Variants in ABCC9 observed in about 807,000 individuals in gnomAD.
ABCC9 encodes the protein ATP binding cassette subfamily C member 9.
In ABCC9, 95 loss-of-function variants were observed where a neutral mutation model predicts 188.3. The observed-to-expected ratio is 0.50, with a 90% CI of 0.43 to 0.60. ABCC9 has a LOEUF of 0.60. Among genes scored for constraint, ABCC9 ranks in the 20% least tolerant of loss-of-function variants. The pLI is 0.00. For missense variants in ABCC9, 1,102 were observed against 1,876.3 expected (o/e 0.59, Z 7.62); for synonymous variants, 659 against 652.7 (o/e 1.01, Z -0.15).
chr12:21,905,978 G>C, intron 12 of ABCC9, 148 bp downstream of exon 12: 2 of 836,838 alleles, frequency 2.4e-6, no homozygotes, highest in South Asian at 1.5e-5. Context: ...TCGTGTGGCT[G>C]GTGGCTATTG....
At chr12:21,930,728 A>C (rs1288067049) in intron 4 of ABCC9, among the ~76,000 whole-genome samples, 1 of 152,178 alleles carries the variant, frequency 6.6e-6, no homozygotes, top group African/African-American at 2.4e-5. Context: ...TCAGTGGGCA[A>C]ATGGATAAAT....
chr12:21,852,169 A>G lies in ABCC9; in HGVS notation c.2697T>C (p.Ile899=), dbSNP rs1305359292. Residue 899 remains isoleucine (I), a synonymous_variant, in exon 24 of 40, where the codon ATT becomes ATC. Transcript: ENST00000261200. ...SVLREGTLKD[I]QTKDVELYEH... ...CATAAAGCTCAACATCTTTGGTTTG[A>G]ATGTCCTTCAAAGTTCCTTCTCTTA... 6.2e-7 allele frequency: 1 copy of G among 1,613,758 alleles called. No individual in the cohort carries two copies. Among genetic ancestry groups the G allele is most frequent in the Non-Finnish European group, 8.5e-7 (1 of 1,179,890 alleles).
At chr12:21,848,316 C>G in intron 24 of ABCC9, 70 bp from the exon 25 acceptor site, 2 of 1,342,608 alleles carry the variant, frequency 1.5e-6, no homozygotes, top group South Asian at 2.4e-5. Flanking sequence ...ATGAATGACT[C>G]ACACGTGTAA....
At chr12:21,830,036 T>C (rs1943666716) in intron 30 of ABCC9, among the ~76,000 whole-genome samples, 1 of 152,208 alleles carries the variant, frequency 6.6e-6, no homozygotes, top group African/African-American at 2.4e-5. Flanking sequence ...AAAAGGAATT[T>C]GGTCTGTGTA....
At chr12:21,818,412 T>C (rs1192585632) in intron 31 of ABCC9, among the ~76,000 whole-genome samples, 161 bp from the exon 32 acceptor site, 1 of 151,176 alleles carries the variant, frequency 6.6e-6, no homozygotes, top group Non-Finnish European at 1.5e-5. Context: ...AATAATAGCT[T>C]GCAATATTAG....
At chr12:21,876,174 TAGAA>T (rs774925187) in intron 16 of ABCC9, among the ~76,000 whole-genome samples, 13 of 152,132 alleles carry the variant, frequency 8.5e-5, no homozygotes, top group Admixed American at 2.0e-4. Flanking sequence ...AATGAAAAAT[TAGAA>T]AGAATGAAAG....
intron 18 of ABCC9, among the ~76,000 whole-genome samples, chr12:21,871,092 T>C (rs1323026375): frequency 6.6e-6 from 1 of 152,196 alleles, no homozygotes; most frequent in East Asian, 1.9e-4. Context: ...CTCTCTGTTT[T>C]AATGATGGTA....
chr12:21,806,202 G>C (rs1941830989), intron 38 of ABCC9, 142 bp from the exon 39 acceptor site: 2 of 744,110 alleles, frequency 2.7e-6, no homozygotes, highest in Non-Finnish European at 4.7e-6. Flanking sequence ...AGAAGGGGCA[G>C]TCCCCAGCAG....
At chr12:21,808,221 G>A (rs1361655643) in intron 37 of ABCC9, among the ~76,000 whole-genome samples, 1 of 152,006 alleles carries the variant, frequency 6.6e-6, no homozygotes, top group Non-Finnish European at 1.5e-5. Flanking sequence ...TTGTCATGAT[G>A]GGAAAATAGG....
At chr12:21,816,018 G>T (rs1942591590) in intron 33 of ABCC9, 125 bp from the exon 34 acceptor site, 3 of 171,918 alleles carry the variant, frequency 1.7e-5, no homozygotes, top group Non-Finnish European at 3.1e-5. Context: ...AAGTAATACT[G>T]AACCAAACTA....
chr12:21,898,508 AG>A (rs1355125126), intron 12 of ABCC9, among the ~76,000 whole-genome samples: 13 of 152,238 alleles, frequency 8.5e-5, no homozygotes, highest in Non-Finnish European at 1.9e-4. Context: ...ATCAAGCATT[AG>A]GGCTAGAATA....
chr12:21,799,781 A>T lies in ABCC9; in HGVS notation c.*1263T>A, dbSNP rs1180244060. 2 of 152,204 alleles carry T rather than the reference A, an allele frequency of 1.3e-5. No homozygotes were observed. Among genetic ancestry groups the T allele is most frequent in the Non-Finnish European group, 2.9e-5 (2 of 68,036 alleles). The allele number at this position is 152,204 out of a possible 1,614,324, so 9.4% of individuals were successfully genotyped here. A position where few individuals can be genotyped will look rare whatever the true frequency, so the allele number is the denominator to read the frequency against. ...TCTTCATATGAAAAAGAAATCAATG[A>T]TATTGACACTGGATGGGCACAGAAT... On this transcript the variant is annotated 3_prime_UTR_variant, in exon 40 of 40. Coordinates refer to ENST00000261200, the MANE Select transcript of ABCC9 (RefSeq NM_020297.4).
At chr12:21,882,953 T>C in intron 15 of ABCC9, 80 bp from the exon 16 acceptor site, 1 of 1,029,662 alleles carries the variant, frequency 9.7e-7, no homozygotes, top group Non-Finnish European at 1.5e-6. Flanking sequence ...CTCACATTGC[T>C]ACCTAAGTTC....
intron 8 of ABCC9, among the ~76,000 whole-genome samples, 162 bp downstream of exon 8, chr12:21,912,710 T>A (rs970475615): frequency 6.6e-6 from 1 of 151,998 alleles, no homozygotes; most frequent in African/African-American, 2.4e-5. Flanking sequence ...ACACGTGATT[T>A]TTTTCTAAAA....
chr12:21,896,947 T>A (rs761608530), intron 12 of ABCC9, among the ~76,000 whole-genome samples: 2 of 152,200 alleles, frequency 1.3e-5, no homozygotes, highest in African/African-American at 2.4e-5. Context: ...GTAATGAGAT[T>A]GATGGGTCAA....
chr12:21,832,694 C>A (rs956496252), intron 30 of ABCC9, among the ~76,000 whole-genome samples: 3 of 151,940 alleles, frequency 2.0e-5, no homozygotes, highest in East Asian at 3.9e-4. Context: ...CCAGTGCAAT[C>A]ACTATGGAAG....
At chr12:21,854,002 C>CT (rs1465449289) in intron 22 of ABCC9, among the ~76,000 whole-genome samples, 1 of 152,190 alleles carries the variant, frequency 6.6e-6, no homozygotes, top group East Asian at 1.9e-4. Flanking sequence ...AAACAAACTT[C>CT]TACTTTGTCT....
intron 18 of ABCC9, among the ~76,000 whole-genome samples, chr12:21,872,159 G>A (rs1946115670): frequency 6.6e-6 from 1 of 152,102 alleles, no homozygotes; most frequent in Non-Finnish European, 1.5e-5. Context: ...CTAGTATCTA[G>A]TTTAAGTATA....
At chr12:21,897,001 TC>T (rs1246344636) in intron 12 of ABCC9, among the ~76,000 whole-genome samples, 1 of 152,216 alleles carries the variant, frequency 6.6e-6, no homozygotes, top group Non-Finnish European at 1.5e-5. Flanking sequence ...ACCACACTGG[TC>T]TTCCACAATG....
Sources: gnomAD v4.1 joint callset for allele counts (sites outside exome capture counted in the v4.1 genomes callset) on GRCh38, gnomAD v4.1.1 for gene constraint, MANE v1.5 for transcripts, NCBI Gene and HGNC (gene_info 2026-07-23, HGNC 2026-07-21) for gene names.